Variants in PSMD5 observed in about 807,000 individuals in gnomAD.
The protein encoded by PSMD5 is 26S proteasome non-ATPase regulatory subunit 5.
A neutral mutation model predicts 52.1 loss-of-function variants in PSMD5; 40 were observed. The ratio of observed to expected loss-of-function variants is 0.77; its 90% CI spans 0.60 to 1.00. The LOEUF (loss-of-function observed/expected upper bound fraction) is 1.00, where lower values mean the gene tolerates loss of function less well. PSMD5 is among the 50% of genes least tolerant of loss of function. PSMD5 has a pLI of 0.00. For missense variants in PSMD5, 575 were observed against 605.2 expected, an observed-to-expected ratio of 0.95 and a Z score of 0.52; for synonymous variants, 211 against 226.6, an observed-to-expected ratio of 0.93 and a Z score of 0.62.
At chr9:120,837,137 C>T (rs911518539) in intron 1 of PSMD5, among the ~76,000 whole-genome samples, 2 of 152,186 alleles carry the variant, frequency 1.3e-5, no homozygotes, top group Non-Finnish European at 2.9e-5. Flanking sequence ...GATCTGCCCA[C>T]CTTGGCCTCC....
At chr9:120,833,263 C>G in intron 2 of PSMD5, 49 bp downstream of exon 2, 2 of 1,585,180 alleles carry the variant, frequency 1.3e-6, no homozygotes, top group Middle Eastern at 1.7e-4. Flanking sequence ...CAGTGCAGAA[C>G]CTGGCCCAGA....
chr9:120,828,581 C>T (rs2131427327), intron 5 of PSMD5, among the ~76,000 whole-genome samples: 1 of 151,804 alleles, frequency 6.6e-6, no homozygotes, highest in East Asian at 1.9e-4. Context: ...GCACATGCCA[C>T]CATACCCAGC....
intron 1 of PSMD5, among the ~76,000 whole-genome samples, chr9:120,838,812 C>A (rs2045215331): frequency 6.6e-6 from 1 of 152,114 alleles, no homozygotes; most frequent in Non-Finnish European, 1.5e-5. Flanking sequence ...ACAAGGTGGC[C>A]ACTCTAAACT....
chr9:120,822,725 C>T (rs1234102717), intron 7 of PSMD5, among the ~76,000 whole-genome samples: 2 of 151,904 alleles, frequency 1.3e-5, no homozygotes, highest in Non-Finnish European at 2.9e-5. Context: ...TTAGTAGAGA[C>T]CATGTTGGCC....
At position 120,832,102 on chromosome 9, in the gene PSMD5, G is replaced by T. The variant is rs533085918; in HGVS notation, c.319-157C>A. On this transcript the variant is annotated intron_variant, in intron 2 of 9. Coordinates refer to ENST00000210313, the MANE Select transcript of PSMD5 (RefSeq NM_005047.4). ...AATCAAAATGACCTAAATTCATTCA[G>T]TCAAACACACATATGGTATAGTCAC... 1.5e-3 allele frequency among the ~76,000 whole-genome samples: 226 copies of T among 152,210 alleles called. 6 individuals carry two copies. The South Asian group carries it at 0.045, about 30-fold the overall frequency.
chr9:120,839,432 AG>A (rs2045218723), intron 1 of PSMD5, among the ~76,000 whole-genome samples: 1 of 152,226 alleles, frequency 6.6e-6, no homozygotes, highest in East Asian at 1.9e-4. Flanking sequence ...TTCAGAGGTA[AG>A]GAGAAGTCAG....
intron 1 of PSMD5, among the ~76,000 whole-genome samples, chr9:120,840,474 TCTCA>T (rs1283844211): frequency 2.1e-5 from 3 of 142,036 alleles, no homozygotes; most frequent in Admixed American, 1.4e-4. Context: ...TGAGATGGAG[TCTCA>T]CTGTGTTGCC....
At chr9:120,830,438 T>A (rs1019219413) in intron 4 of PSMD5, among the ~76,000 whole-genome samples, 1 of 152,104 alleles carries the variant, frequency 6.6e-6, no homozygotes, top group African/African-American at 2.4e-5. Context: ...CATAAGTGAG[T>A]AAAACTGCCT....
chr9:120,835,720 ACT>A (rs1252816339), intron 1 of PSMD5, among the ~76,000 whole-genome samples: 1 of 150,580 alleles, frequency 6.6e-6, no homozygotes, highest in Non-Finnish European at 1.5e-5. Flanking sequence ...CAAGAACGAA[ACT>A]CTGTCTCAAA....
At chr9:120,833,877 T>C (rs966887298) in intron 1 of PSMD5, among the ~76,000 whole-genome samples, 6 of 151,090 alleles carry the variant, frequency 4.0e-5, no homozygotes, top group Non-Finnish European at 8.9e-5. Flanking sequence ...GGTTTCACCA[T>C]GTTGGCCAGG....
intron 8 of PSMD5, 61 bp downstream of exon 8, chr9:120,821,294 C>T: frequency 9.1e-7 from 1 of 1,097,308 alleles, no homozygotes; most frequent in Non-Finnish European, 1.3e-6. Context: ...CATGTTGATT[C>T]ATACAGATTT....
chr9:120,832,981 A>G (rs558723947), intron 2 of PSMD5, among the ~76,000 whole-genome samples: 1 of 152,264 alleles, frequency 6.6e-6, no homozygotes, highest in Middle Eastern at 3.2e-3. Context: ...CCTTGAAGGA[A>G]AGTAATCAGT....
At chr9:120,842,651 A>G in intron 1 of PSMD5, 86 bp downstream of exon 1, 6 of 1,497,902 alleles carry the variant, frequency 4.0e-6, no homozygotes, top group Non-Finnish European at 5.4e-6. Context: ...GTGACTGGGA[A>G]AAGCGCTGTT....
chr9:120,838,964 A>G (rs1461740703), intron 1 of PSMD5, among the ~76,000 whole-genome samples: 1 of 152,260 alleles, frequency 6.6e-6, no homozygotes, highest in Non-Finnish European at 1.5e-5. Context: ...TAACATAGGT[A>G]ATAGTGTCAA....
rs113284694 is a variant in PSMD5, at chr9:120,817,727, C to T, written c.*179G>A. ...GTCTGCTCTTAATGCATTCCAAACT[C>T]CTAGTTCCACTTTGCATTTCAATGT... On this transcript the variant is annotated 3_prime_UTR_variant, in exon 10 of 10. Coordinates refer to ENST00000210313, the MANE Select transcript of PSMD5 (RefSeq NM_005047.4). 1.3e-4 allele frequency: 90 copies of T among 714,652 alleles called. 1 individual carries two copies. The African/African-American group carries it at 1.4e-3, about 11-fold the overall frequency. The allele number at this position is 714,652 out of a possible 1,614,324, so 44.3% of individuals were successfully genotyped here.
At chr9:120,841,301 C>G (rs1421368898) in intron 1 of PSMD5, among the ~76,000 whole-genome samples, 3 of 152,006 alleles carry the variant, frequency 2.0e-5, no homozygotes, top group Non-Finnish European at 2.9e-5. Context: ...AGAGATTGGC[C>G]GGGCGCAGTG....
At position 120,842,766 on chromosome 9, in the gene PSMD5, C is replaced by G; in HGVS notation, c.144G>C (p.Pro48=). 1 of 1,613,218 alleles carries G rather than the reference C, an allele frequency of 6.2e-7. No homozygotes were observed. Among genetic ancestry groups the G allele is most frequent in the Non-Finnish European group, 8.5e-7 (1 of 1,180,014 alleles). ...GGTTCTCGTTAAGCAGGGAGAAGAG[C>G]GGGCCGAGGCGCAGCTCCGCCGCTT... ...RQQAAELRLG[P]LFSLLNENHR... is the part of the protein sequence containing the mutation. Residue 48 remains proline (P), a synonymous_variant, in exon 1 of 10, where the codon CCG becomes CCC. Transcript: ENST00000210313.
At chr9:120,823,333 C>T (rs566827497) in intron 7 of PSMD5, among the ~76,000 whole-genome samples, 2 of 151,164 alleles carry the variant, frequency 1.3e-5, no homozygotes, top group East Asian at 3.9e-4. Flanking sequence ...CTCAGCCTCC[C>T]GAGTAGCTGG....
intron 4 of PSMD5, 109 bp downstream of exon 4, chr9:120,831,222 A>G: frequency 8.5e-7 from 1 of 1,178,450 alleles, no homozygotes; most frequent in Admixed American, 2.7e-5. Context: ...CCCAGCACCT[A>G]CTGTAGGGCC....
Sources: gnomAD v4.1 joint callset for allele counts (sites outside exome capture counted in the v4.1 genomes callset) on GRCh38, gnomAD v4.1.1 for gene constraint, MANE v1.5 for transcripts, NCBI Gene and HGNC (gene_info 2026-07-23, HGNC 2026-07-21) for gene names.